MYOF: variants seen among roughly 807,000 people sequenced by gnomAD.
The protein encoded by MYOF is fer-1-like 3, myoferlin.
In MYOF, 244 loss-of-function variants were observed where a neutral mutation model predicts 284.2. The observed-to-expected ratio is 0.86, with a 90% CI of 0.77 to 0.95. The LOEUF (loss-of-function observed/expected upper bound fraction) is 0.95. Among genes scored for constraint, MYOF ranks in the 40% least tolerant of loss-of-function variants. The pLI, the probability that MYOF is intolerant of heterozygous loss-of-function variation, is 0.00. For missense variants in MYOF, 2,496 were observed against 2,560.6 expected (o/e 0.97, Z 0.54); for synonymous variants, 904 against 919.7 (o/e 0.98, Z 0.31).
intron 43 of MYOF, among the ~76,000 whole-genome samples, chr10:93,332,412 G>A (rs1028514168): frequency 6.6e-6 from 1 of 151,632 alleles, no homozygotes; most frequent in Non-Finnish European, 1.5e-5. Flanking sequence ...TGTAGAGATG[G>A]GGTTTCACCA....
chr10:93,379,925 A>G lies in MYOF; in HGVS notation c.1939T>C (p.Trp647Arg), dbSNP rs1260555803. 1 of 1,614,056 alleles carries G rather than the reference A, an allele frequency of 6.2e-7. No homozygotes were observed. Among genetic ancestry groups the G allele is most frequent in the Non-Finnish European group, 8.5e-7 (1 of 1,179,998 alleles). The part of the protein sequence containing the change: ...TKPVVTLTSY[W>R]EDISHRLDAV... ...TCCAGGCGATGACTAATATCCTCCCAGTATGAAGTCAGGGTAACAACTGGC... is the reference window on the plus strand; with the variant it reads ...TCCAGGCGATGACTAATATCCTCCCGGTATGAAGTCAGGGTAACAACTGGC... The change falls in exon 21 of 54, where the codon TGG becomes CGG. Residue 647 changes from tryptophan (W) to arginine (R), a missense_variant. Physicochemically the swap from Trp to Arg is moderately radical, Grantham distance 101. Around this residue, in one of 3 missense-constraint regions of MYOF, gnomAD observed 2,436 missense variants for 2,480.7 expected, o/e 0.98. Transcript: ENST00000359263.
At position 93,381,387 on chromosome 10, in the gene MYOF, G is replaced by C. The variant is rs375276858; in HGVS notation, c.1708C>G (p.Arg570Gly). Residue 570 changes from arginine to glycine, a missense_variant, in exon 20 of 54, where the codon CGA becomes GGA. Coordinates refer to ENST00000359263, the MANE Select transcript of MYOF (RefSeq NM_013451.4). ...GCAGACAGGCTGTACTTCCGCCTTC[G>C]CTGGTATTTCTATAAAGTATGAGCA... Reference protein sequence around the residue: ...DDLLVVEKYQRRRKYSLSAVF... With the variant: ...DDLLVVEKYQGRRKYSLSAVF... 3.1e-6 allele frequency: 5 copies of C among 1,614,088 alleles called. No individual in the cohort carries two copies. Among genetic ancestry groups the C allele is most frequent in the South Asian group, 2.2e-5 (2 of 91,056 alleles).
At chr10:93,455,487 G>A (rs1312609954) in intron 2 of MYOF, among the ~76,000 whole-genome samples, 3 of 151,980 alleles carry the variant, frequency 2.0e-5, no homozygotes, top group African/African-American at 4.8e-5. Flanking sequence ...GGGCAACACG[G>A]CAAAAGCCCA....
Position 93,456,862 on chromosome 10 carries a change from T to C in MYOF, c.144+20A>G, listed in dbSNP as rs750476143. On this transcript the variant is annotated intron_variant, in intron 2 of 53. Transcript: ENST00000359263. ...AATAGCTTATCTATTAAAACAAAGT[T>C]GAAAAAACAATGAAGTCACCTCATT... is the stretch of plus-strand genomic sequence containing the variant. 6.4e-7 allele frequency: 1 copy of C among 1,574,638 alleles called. No homozygotes were observed. Among genetic ancestry groups the C allele is most frequent in the South Asian group, 1.1e-5 (1 of 87,410 alleles).
chr10:93,437,405 G>A (rs1214373366), intron 3 of MYOF, among the ~76,000 whole-genome samples: 1 of 152,128 alleles, frequency 6.6e-6, no homozygotes, highest in Non-Finnish European at 1.5e-5. Context: ...TTTGCCGGCT[G>A]ACTCTTACTC....
At chr10:93,462,228 C>G (rs1015533112) in intron 1 of MYOF, among the ~76,000 whole-genome samples, 1 of 152,054 alleles carries the variant, frequency 6.6e-6, no homozygotes, top group African/African-American at 2.4e-5. Context: ...TGCCACCACA[C>G]CCAGCTAATT....
chr10:93,354,666 A>ACACTCTCTCTCTCTCTCTCTCT (rs1554844078), intron 31 of MYOF, among the ~76,000 whole-genome samples: 2 of 119,314 alleles, frequency 1.7e-5, no homozygotes, highest in African/African-American at 3.2e-5. Context: ...TCACACATTC[A>ACACTCTCTCTCTCTCTCTCTCT]CTCTCTCTCT....
In MYOF at chr10:93,404,036, A is replaced by G. The variant is rs368077346; in HGVS notation, c.830T>C (p.Met277Thr). 1.9e-5 allele frequency: 31 copies of G among 1,613,902 alleles called. 1 individual carries two copies. The African/African-American group carries it at 2.3e-4, about 12-fold the overall frequency. ...NSHSLRADCL[M>T]GEFKIDVGFV... ...GTTGTCACTCACCTTAAATTCCCCC[A>G]TCAGACAATCTGCCCGCAGAGAGTG... Residue 277 changes from methionine to threonine, a missense_variant, in exon 9 of 54, where the codon ATG (methionine) becomes ACG (threonine). Transcript: ENST00000359263.
rs904308358 is a variant in MYOF, at chr10:93,319,856, A to G, written c.5598+16T>C. 3.7e-6 allele frequency: 6 copies of G among 1,613,850 alleles called. No homozygotes were observed. Among genetic ancestry groups the G allele is most frequent in the Non-Finnish European group, 5.1e-6 (6 of 1,179,990 alleles). On this transcript the variant is annotated intron_variant, in intron 49 of 53. Coordinates refer to ENST00000359263, the MANE Select transcript of MYOF (RefSeq NM_013451.4). ...TCCATGATACCCACTTCCCAGCGGC[A>G]TATTTCAGAGCTCACTTTTTTCGCA...
chr10:93,343,962 A>T, intron 37 of MYOF, 30 bp from the exon 38 acceptor site: 3 of 1,610,630 alleles, frequency 1.9e-6, no homozygotes, highest in Non-Finnish European at 2.5e-6. Flanking sequence ...TTAATCTAAG[A>T]TACTTAGAGA....
chr10:93,388,840 GT>G (rs1257307207), intron 18 of MYOF, among the ~76,000 whole-genome samples, 189 bp downstream of exon 18: 1 of 152,264 alleles, frequency 6.6e-6, no homozygotes, highest in Non-Finnish European at 1.5e-5. Context: ...AAGCATAGAA[GT>G]TGGGGGAAAT....
Position 93,310,659 on chromosome 10 carries a change from G to A in MYOF, c.5890-16C>T. The A allele has an allele frequency of 6.2e-7, 1 of 1,611,204 alleles. No homozygotes were observed. The highest frequency in any genetic ancestry group is 8.5e-7 in the Non-Finnish European group (1 of 1,177,490). On this transcript the variant is annotated splice_polypyrimidine_tract_variant and intron_variant, in intron 51 of 53. Transcript: ENST00000359263. ...CCACTTTCCCCTTCAGTAAAGCAGA[G>A]CAGGTTAAACATATGACATCATGTT...
chr10:93,313,716 C>T (rs1276809114), intron 50 of MYOF, among the ~76,000 whole-genome samples: 1 of 152,030 alleles, frequency 6.6e-6, no homozygotes, highest in Non-Finnish European at 1.5e-5. Context: ...GCCTGGCCAA[C>T]ATGGTGAAAC....
intron 1 of MYOF, among the ~76,000 whole-genome samples, chr10:93,473,068 G>C (rs936922417): frequency 5.9e-5 from 9 of 152,214 alleles, no homozygotes. Context: ...AAGACACCCA[G>C]CTCCTAGGGA....
chr10:93,364,762 G>T (rs544769354), intron 26 of MYOF, among the ~76,000 whole-genome samples: 14 of 152,204 alleles, frequency 9.2e-5, no homozygotes, highest in African/African-American at 3.4e-4. Context: ...CTTCTGCCAG[G>T]TACCTACTCA....
chr10:93,306,860 T>G lies in MYOF; in HGVS notation c.*103A>C. On this transcript the variant is annotated 3_prime_UTR_variant, in exon 54 of 54. Transcript: ENST00000359263. ...GGCTCGGTGACATGGCGTAACCTGCTACTGGGGTGTGGTCTCAGACACAAA... is the reference window on the plus strand; with the variant it reads ...GGCTCGGTGACATGGCGTAACCTGCGACTGGGGTGTGGTCTCAGACACAAA... The G allele has an allele frequency of 1.6e-6, 2 of 1,223,086 alleles. No individual in the cohort carries two copies. Among genetic ancestry groups the G allele is most frequent in the Non-Finnish European group, 1.2e-6 (1 of 836,240 alleles). 75.8% of individuals were successfully genotyped at this position (1,223,086 alleles called of 1,614,324 possible).
At chr10:93,461,648 A>T (rs2056886078) in intron 1 of MYOF, among the ~76,000 whole-genome samples, 1 of 152,116 alleles carries the variant, frequency 6.6e-6, no homozygotes, top group Non-Finnish European at 1.5e-5. Context: ...AGAACCAGTT[A>T]TGTCACATCT....
At chr10:93,355,551 G>C in intron 31 of MYOF, 77 bp downstream of exon 31, 1 of 1,194,618 alleles carries the variant, frequency 8.4e-7, no homozygotes, top group African/African-American at 1.5e-5. Context: ...CTGCACTCCA[G>C]CCTGGGTGAT....
rs769780561 is a variant in MYOF, at chr10:93,431,471, G to A, written c.282C>T (p.Asp94=). ...GCTTGTACGGCAGGGATCTGCTCTG[G>A]TCACCAGTCAGGTCCTTCAGGGCTA... The part of the protein sequence containing the change: ...ATVALKDLTG[D]QSRSLPYKLI... Residue 94 remains aspartate, a synonymous_variant, in exon 4 of 54, where the codon GAC becomes GAT. Coordinates refer to ENST00000359263, the MANE Select transcript of MYOF (RefSeq NM_013451.4). 5.0e-6 allele frequency: 8 copies of A among 1,613,902 alleles called. No individual in the cohort carries two copies. Among genetic ancestry groups the A allele is most frequent in the Non-Finnish European group, 8.5e-7 (1 of 1,179,972 alleles).
Sources: allele counts gnomAD v4.1 joint callset (sites outside exome capture counted in the v4.1 genomes callset), GRCh38; gene constraint gnomAD v4.1.1; regional missense constraint gnomAD v4.1.1; transcripts MANE v1.5; gene names NCBI Gene and HGNC (gene_info 2026-07-23, HGNC 2026-07-21).